The following CPEB3 variants were observed in gnomAD, a reference collection of about 807,000 sequenced individuals.
The protein encoded by CPEB3 is cytoplasmic polyadenylation element binding protein 3.
In CPEB3, 20 loss-of-function variants were observed where a neutral mutation model predicts 67.2. The observed-to-expected ratio is 0.30, with a 90% CI of 0.21 to 0.43. The LOEUF is 0.43. Ranked by LOEUF, CPEB3 falls within the 20% of genes least tolerant of loss-of-function variation. CPEB3 has a pLI of 1.00. For missense variants in CPEB3, 746 were observed against 968.6 expected, an observed-to-expected ratio of 0.77 and a Z score of 3.05; for synonymous variants, 376 against 393.1, an observed-to-expected ratio of 0.96 and a Z score of 0.51.
At chr10:92,227,266 G>C (rs1851022253) in intron 2 of CPEB3, among the ~76,000 whole-genome samples, 1 of 152,190 alleles carries the variant, frequency 6.6e-6, no homozygotes, top group Admixed American at 6.5e-5. Flanking sequence ...TAATTCACAA[G>C]AACGTGTAAG....
At chr10:92,196,445 C>T (rs1256335347) in intron 2 of CPEB3, among the ~76,000 whole-genome samples, 1 of 152,106 alleles carries the variant, frequency 6.6e-6, no homozygotes, top group African/African-American at 2.4e-5. Flanking sequence ...TTTGAACATG[C>T]TTCTAAGCCT....
chr10:92,168,326 T>C (rs554082370), intron 4 of CPEB3, among the ~76,000 whole-genome samples: 12 of 152,214 alleles, frequency 7.9e-5, no homozygotes, highest in South Asian at 2.1e-4. Context: ...CTGGAGCTAA[T>C]AGAAAAGTGT....
chr10:92,215,687 T>C (rs1268723067), intron 2 of CPEB3, among the ~76,000 whole-genome samples: 1 of 150,734 alleles, frequency 6.6e-6, no homozygotes, highest in Admixed American at 6.6e-5. Flanking sequence ...ATGATCTGTC[T>C]GCCTCGGTCT....
rs117127348 is a variant in CPEB3, at chr10:92,230,963, C to T, written c.1005+8383G>A. Among the ~76,000 whole-genome samples, 508 of 152,296 alleles carry T rather than the reference C, an allele frequency of 3.3e-3. 2 individuals are homozygous for T. Among genetic ancestry groups the T allele is most frequent in the Non-Finnish European group, 5.1e-3 (345 of 68,018 alleles). The stretch of plus-strand genomic sequence containing the variant: ...ACAGGGAAATGGTGGTAAGGAGATT[C>T]AAATTAGACCTTTGATATCTCCAGA... On this transcript the variant is annotated intron_variant, in intron 2 of 9. Transcript: ENST00000265997.
At chr10:92,091,517 T>C (rs1198107326) in intron 8 of CPEB3, among the ~76,000 whole-genome samples, 1 of 151,894 alleles carries the variant, frequency 6.6e-6, no homozygotes, top group African/African-American at 2.4e-5. Context: ...TACATAACAA[T>C]GCTGACTGGC....
intron 1 of CPEB3, among the ~76,000 whole-genome samples, chr10:92,249,927 C>A (rs901033250): frequency 1.3e-5 from 2 of 149,932 alleles, no homozygotes; most frequent in African/African-American, 4.9e-5. Context: ...GAGGCTGAGG[C>A]AGGAGAATCG....
intron 9 of CPEB3, among the ~76,000 whole-genome samples, chr10:92,068,429 C>T (rs1177729324): frequency 6.6e-6 from 1 of 152,194 alleles, no homozygotes; most frequent in Non-Finnish European, 1.5e-5. Flanking sequence ...AACACAACCT[C>T]ACGGGCCTCT....
intron 4 of CPEB3, 119 bp from the exon 5 acceptor site, chr10:92,145,204 A>C: frequency 1.0e-6 from 1 of 985,154 alleles, no homozygotes; most frequent in South Asian, 1.8e-5. Flanking sequence ...AGAAGCATAC[A>C]AAAAAAAAGG....
chr10:92,175,051 A>G (rs1329496506), intron 4 of CPEB3, among the ~76,000 whole-genome samples: 1 of 152,034 alleles, frequency 6.6e-6, no homozygotes, highest in East Asian at 1.9e-4. Context: ...CAAAGGCTTA[A>G]GGAGATTCAG....
chr10:92,192,311 C>G (rs1406076063), intron 3 of CPEB3, among the ~76,000 whole-genome samples, 166 bp downstream of exon 3: 2 of 152,094 alleles, frequency 1.3e-5, no homozygotes, highest in East Asian at 1.9e-4. Flanking sequence ...TTATAGGTAG[C>G]TGAACCCAGG....
rs996661794 is a variant in CPEB3 at position 92,048,974 on chromosome 10, A to G, written c.*3238T>C. 1 of 152,634 alleles carries G rather than the reference A, an allele frequency of 6.6e-6. No individual in the cohort carries two copies. Among genetic ancestry groups the G allele is most frequent in the African/African-American group, 2.4e-5 (1 of 41,468 alleles). 9.5% of individuals were successfully genotyped at this position (152,634 alleles called of 1,614,324 possible). On this transcript the variant is annotated 3_prime_UTR_variant, in exon 10 of 10. Transcript: ENST00000265997. This position sits in a 1 kb window ranked among gnomAD's most constrained non-coding sequence, Gnocchi z 4.1. The stretch of plus-strand genomic sequence containing the variant: ...ATTAATGATTGAGAAAGCACTCCTT[A>G]AAGAAAATACGAAATAAAATGAAAA...
chr10:92,210,561 C>T (rs767535692), intron 2 of CPEB3, among the ~76,000 whole-genome samples: 8 of 152,116 alleles, frequency 5.3e-5, no homozygotes, highest in African/African-American at 7.2e-5. Flanking sequence ...TAAACATACA[C>T]GCACACATAC....
At chr10:92,217,039 T>TA (rs756509254) in intron 2 of CPEB3, among the ~76,000 whole-genome samples, 6,971 of 104,498 alleles carry the variant, frequency 0.067, 248 homozygotes, top group Non-Finnish European at 0.089. Context: ...ATGCTAAGAC[T>TA]AAAAAAAAAA....
intron 7 of CPEB3, among the ~76,000 whole-genome samples, chr10:92,103,451 G>C (rs917155615): frequency 6.6e-6 from 1 of 152,208 alleles, no homozygotes; most frequent in Non-Finnish European, 1.5e-5. Context: ...AGGATCAGAA[G>C]AGTGAAGTCA....
chr10:92,091,383 A>AC (rs1195458649), intron 8 of CPEB3, among the ~76,000 whole-genome samples: 5 of 152,152 alleles, frequency 3.3e-5, no homozygotes, highest in Non-Finnish European at 5.9e-5. Flanking sequence ...CATCAGTTCA[A>AC]CAACACTTCA....
At chr10:92,199,258 G>A (rs908951412) in intron 2 of CPEB3, among the ~76,000 whole-genome samples, 2 of 151,962 alleles carry the variant, frequency 1.3e-5, no homozygotes, top group Non-Finnish European at 2.9e-5. Flanking sequence ...AGGCATGGTG[G>A]CGCATGCCTG....
intron 7 of CPEB3, among the ~76,000 whole-genome samples, chr10:92,109,723 T>C (rs1440209534): frequency 1.3e-5 from 2 of 152,194 alleles, no homozygotes; most frequent in African/African-American, 2.4e-5. Flanking sequence ...TTGCTTACTC[T>C]CCAATGAATA....
At chr10:92,120,447 G>GC (rs1845304486) in intron 6 of CPEB3, among the ~76,000 whole-genome samples, 4 of 152,002 alleles carry the variant, frequency 2.6e-5, no homozygotes, top group Non-Finnish European at 4.4e-5. Context: ...AGCTGGGTGT[G>GC]GTGGCGGGCG....
intron 4 of CPEB3, among the ~76,000 whole-genome samples, chr10:92,161,660 G>A (rs1051530565): frequency 6.6e-6 from 1 of 151,424 alleles, no homozygotes. Flanking sequence ...GCTAATGAGT[G>A]CTTCCTATGT....
Sources: allele counts gnomAD v4.1 joint callset (sites outside exome capture counted in the v4.1 genomes callset), GRCh38; gene constraint gnomAD v4.1.1; non-coding constraint Gnocchi (gnomAD v3.1); transcripts MANE v1.5; gene names NCBI Gene and HGNC (gene_info 2026-07-23, HGNC 2026-07-21).